The following NOX4 variants were observed in gnomAD, a reference collection of about 807,000 sequenced individuals.
The protein encoded by NOX4 is NADPH oxidase 4.
Under a neutral mutation model 87.6 loss-of-function variants are expected in NOX4, and 69 were observed. The observed-to-expected ratio is 0.79, with a 90% CI of 0.65 to 0.96. NOX4 has a LOEUF of 0.96. Ranked by LOEUF, NOX4 falls within the 40% of genes least tolerant of loss-of-function variation. The pLI is 0.00. For missense variants in NOX4, 680 were observed against 681.5 expected (o/e 1.00, Z 0.02); for synonymous variants, 275 against 238.2 (o/e 1.15, Z -1.42).
intron 12 of NOX4, among the ~76,000 whole-genome samples, chr11:89,367,487 A>G (rs1939096187): frequency 6.6e-6 from 1 of 152,044 alleles, no homozygotes. Flanking sequence ...CATCTTCCTA[A>G]TGACATGATT....
At chr11:89,520,576 C>A in the NOX4 span, among the ~76,000 whole-genome samples, 1 of 152,002 alleles carries the variant, frequency 6.6e-6, no homozygotes, top group East Asian at 1.9e-4. Flanking sequence ...TATGACAAAC[C>A]AACAACCAAC....
At chr11:89,425,236 G>A (rs1402599611) in intron 7 of NOX4, among the ~76,000 whole-genome samples, 1 of 151,888 alleles carries the variant, frequency 6.6e-6, no homozygotes. Context: ...CTCATGTACT[G>A]ATGTTAGTGA....
chr11:89,442,910 G>A (rs1191968110), intron 5 of NOX4, among the ~76,000 whole-genome samples: 1 of 152,096 alleles, frequency 6.6e-6, no homozygotes, highest in African/African-American at 2.4e-5. Flanking sequence ...TTGGAACAGG[G>A]GCAGGAAACA....
Position 89,451,904 on chromosome 11 carries a change from A to G in NOX4, c.154-9T>C, listed in dbSNP as rs751485808. On this transcript the variant is annotated splice_polypyrimidine_tract_variant and intron_variant, in intron 2 of 17. Transcript: ENST00000263317. ...CTTAGACACAATCCTAGCTGAACAAATAAGGCAAGGTCAGCACACAGTTAA... is the reference window on the plus strand; with the variant it reads ...CTTAGACACAATCCTAGCTGAACAAGTAAGGCAAGGTCAGCACACAGTTAA... 3 of 1,587,802 alleles carry G rather than the reference A, an allele frequency of 1.9e-6. No homozygotes were observed. The highest frequency in any genetic ancestry group is 1.7e-5 in the Admixed American group (1 of 59,852).
intron 11 of NOX4, among the ~76,000 whole-genome samples, chr11:89,377,982 C>G (rs1053660585): frequency 6.6e-6 from 1 of 152,238 alleles, no homozygotes; most frequent in East Asian, 1.9e-4. Context: ...GGAAATAGAA[C>G]CTACATCCTT....
chr11:89,442,579 G>A (rs540279152), intron 5 of NOX4, among the ~76,000 whole-genome samples: 16 of 152,202 alleles, frequency 1.1e-4, no homozygotes, highest in African/African-American at 2.6e-4. Flanking sequence ...GTATATTTAT[G>A]CAAACAAGTA....
At chr11:89,456,444 T>C (rs1462681800) in intron 2 of NOX4, among the ~76,000 whole-genome samples, 1 of 151,990 alleles carries the variant, frequency 6.6e-6, no homozygotes, top group Non-Finnish European at 1.5e-5. Flanking sequence ...AGGAGGAACA[T>C]CTCACACTGA....
chr11:89,425,707 A>G (rs1943360886), intron 7 of NOX4, among the ~76,000 whole-genome samples: 1 of 152,076 alleles, frequency 6.6e-6, no homozygotes, highest in African/African-American at 2.4e-5. Context: ...TTAATCTATA[A>G]AAATACACTA....
At chr11:89,442,893 G>A (rs1944517271) in intron 5 of NOX4, among the ~76,000 whole-genome samples, 1 of 152,236 alleles carries the variant, frequency 6.6e-6, no homozygotes, top group South Asian at 2.1e-4. Flanking sequence ...GAGAAACAAA[G>A]GAAATGTTGG....
the NOX4 span, among the ~76,000 whole-genome samples, chr11:89,544,697 T>C: frequency 6.6e-6 from 1 of 152,160 alleles, no homozygotes; most frequent in African/African-American, 2.4e-5. Context: ...TACGTGTAAC[T>C]TTTCCAATTT....
the NOX4 span, among the ~76,000 whole-genome samples, chr11:89,553,812 T>A: frequency 2.6e-5 from 4 of 151,880 alleles, no homozygotes; most frequent in East Asian, 5.8e-4. Flanking sequence ...CTTTACCAGA[T>A]AACTGGGGTG....
intron 8 of NOX4, 82 bp from the exon 9 acceptor site, chr11:89,402,624 T>G: frequency 9.5e-7 from 1 of 1,053,780 alleles, no homozygotes; most frequent in Non-Finnish European, 1.4e-6. Context: ...ATAATGTTTT[T>G]GTTTTTGTTT....
intron 2 of NOX4, 41 bp downstream of exon 2, chr11:89,490,417 T>C (rs747513509): frequency 1.5e-6 from 2 of 1,370,990 alleles, no homozygotes; most frequent in East Asian, 4.6e-5. Context: ...CTGCCAGTGT[T>C]AAACCCATTC....
chr11:89,375,327 GTTGAGTC>G (rs1291993568), intron 11 of NOX4, among the ~76,000 whole-genome samples: 1 of 151,716 alleles, frequency 6.6e-6, no homozygotes, highest in African/African-American at 2.4e-5. Context: ...GTTGTTGATA[GTTGAGTC>G]TTACTCTGTC....
chr11:89,487,473 C>T (rs1946676247), intron 2 of NOX4, among the ~76,000 whole-genome samples: 1 of 152,102 alleles, frequency 6.6e-6, no homozygotes, highest in African/African-American at 2.4e-5. Flanking sequence ...CCTTACATTT[C>T]ACAGACGAAT....
At chr11:89,435,573 C>T (rs564039551) in intron 6 of NOX4, among the ~76,000 whole-genome samples, 2 of 151,886 alleles carry the variant, frequency 1.3e-5, no homozygotes, top group Non-Finnish European at 2.9e-5. Context: ...ATTCAAGAAA[C>T]CTGATTAAAC....
intron 15 of NOX4, among the ~76,000 whole-genome samples, chr11:89,337,975 C>T (rs552188081): frequency 6.6e-6 from 1 of 152,160 alleles, no homozygotes; most frequent in South Asian, 2.1e-4. Flanking sequence ...CCTGTTCCTT[C>T]CTTCCGCTTA....
chr11:89,460,502 T>C (rs1945409084), intron 2 of NOX4, among the ~76,000 whole-genome samples: 2 of 152,146 alleles, frequency 1.3e-5, no homozygotes, highest in African/African-American at 4.8e-5. Context: ...GCGAAGGATA[T>C]GAACAGACAC....
At chr11:89,560,994 C>CTATATATATA in the NOX4 span, among the ~76,000 whole-genome samples, 7 of 59,412 alleles carry the variant, frequency 1.2e-4, no homozygotes, top group African/African-American at 5.4e-4. Context: ...CTCTCTCTCT[C>CTATATATATA]TCTATATATA....
Sources: allele counts gnomAD v4.1 joint callset (sites outside exome capture counted in the v4.1 genomes callset), GRCh38; gene constraint gnomAD v4.1.1; transcripts MANE v1.5; gene names NCBI Gene and HGNC (gene_info 2026-07-23, HGNC 2026-07-21).